Variants in PCDH15 observed in about 807,000 individuals in gnomAD.
PCDH15 encodes protocadherin-15.
In PCDH15, 129 loss-of-function variants were observed where a neutral mutation model predicts 178.5. The observed-to-expected ratio is 0.72, with a 90% CI of 0.63 to 0.84. The LOEUF is 0.84. PCDH15 is among the 40% of genes least tolerant of loss of function. The pLI is 0.00. For missense variants in PCDH15, 2,230 were observed against 2,099.9 expected (o/e 1.06, Z -1.21); for synonymous variants, 800 against 732.0 (o/e 1.09, Z -1.50).
chr10:55,106,869 C>A (rs1591908134), intron 2 of PCDH15, among the ~76,000 whole-genome samples: 1 of 152,184 alleles, frequency 6.6e-6, no homozygotes, highest in Non-Finnish European at 1.5e-5. Context: ...CCATGGTTAA[C>A]TCCTCAACTT....
At chr10:53,907,396 C>T (rs561914150) in intron 25 of PCDH15, among the ~76,000 whole-genome samples, 112 of 152,214 alleles carry the variant, frequency 7.4e-4, no homozygotes, top group African/African-American at 2.2e-3. Flanking sequence ...GAACAACGTG[C>T]GTGCCTAATA....
intron 2 of PCDH15, among the ~76,000 whole-genome samples, chr10:55,357,484 T>G (rs570813333): frequency 6.6e-6 from 1 of 152,120 alleles, no homozygotes. Flanking sequence ...TACCATCAGT[T>G]AGCTATGTCA....
intron 7 of PCDH15, among the ~76,000 whole-genome samples, chr10:54,319,420 A>C (rs2061458600): frequency 1.3e-5 from 2 of 152,172 alleles, no homozygotes; most frequent in Admixed American, 1.3e-4. Flanking sequence ...TCAAATAAAG[A>C]AGCCAGACAA....
chr10:53,908,727 T>G (rs2082854924), intron 25 of PCDH15, among the ~76,000 whole-genome samples: 1 of 152,224 alleles, frequency 6.6e-6, no homozygotes, highest in African/African-American at 2.4e-5. Flanking sequence ...AGGAAAGGAC[T>G]GTGCTTTTCT....
intron 9 of PCDH15, among the ~76,000 whole-genome samples, chr10:54,217,872 A>G: frequency 6.6e-6 from 1 of 152,196 alleles, no homozygotes; most frequent in East Asian, 1.9e-4. Context: ...GAATTCCGAG[A>G]CTACTAAACT....
chr10:55,346,152 A>C (rs2131960833), intron 2 of PCDH15, among the ~76,000 whole-genome samples: 1 of 152,310 alleles, frequency 6.6e-6, no homozygotes, highest in African/African-American at 2.4e-5. Flanking sequence ...CCACACAAAT[A>C]AAACATATAA....
intron 25 of PCDH15, among the ~76,000 whole-genome samples, chr10:53,914,966 T>A (rs2083422009): frequency 6.6e-6 from 1 of 152,208 alleles, no homozygotes; most frequent in Non-Finnish European, 1.5e-5. Flanking sequence ...CAGTTTGTAT[T>A]CTGGATAATA....
rs1228471128 is a variant in PCDH15, at chr10:53,807,046, G to GACAT, written c.4752_4755dup (p.Gln1586MetfsTer10). On this transcript the variant is annotated frameshift_variant, in exon 38 of 38. Coordinates refer to ENST00000644397, the MANE Select transcript of PCDH15 (RefSeq NM_001384140.1). LOFTEE classifies it high-confidence loss of function. ...CTAGGATGGTGAAGACGGTTTCTCTGACATTCAGGAGCACTGTCTTCTCCA... is the reference window on the plus strand; with the variant it reads ...CTAGGATGGTGAAGACGGTTTCTCTGACATACATTCAGGAGCACTGTCTTCTCCA... The GACAT allele has an allele frequency of 1.2e-6, 2 of 1,613,486 alleles. No homozygotes were observed. Among genetic ancestry groups the GACAT allele is most frequent in the South Asian group, 2.2e-5 (2 of 91,066 alleles).
At chr10:55,334,238 A>ATGTGTGTGTG (rs1342496492) in intron 2 of PCDH15, among the ~76,000 whole-genome samples, 1 of 97,310 alleles carries the variant, frequency 1.0e-5, no homozygotes, top group Non-Finnish European at 1.9e-5. Flanking sequence ...ATATATATAT[A>ATGTGTGTGTG]TATATGTGTG....
chr10:54,615,180 A>T (rs1322129148), intron 2 of PCDH15, among the ~76,000 whole-genome samples: 1 of 152,076 alleles, frequency 6.6e-6, no homozygotes, highest in East Asian at 1.9e-4. Context: ...GAGAATAAAC[A>T]CGCATTAAAT....
chr10:54,260,979 A>G (rs1286744502), intron 8 of PCDH15, among the ~76,000 whole-genome samples: 1 of 152,104 alleles, frequency 6.6e-6, no homozygotes, highest in Non-Finnish European at 1.5e-5. Context: ...CTTTACAGTA[A>G]TGACCGCTGT....
At chr10:54,774,007 C>CTTTTTTTTTTTTATTTTTTTTTTT (rs1949396530) in intron 1 of PCDH15, among the ~76,000 whole-genome samples, 1 of 75,378 alleles carries the variant, frequency 1.3e-5, no homozygotes, top group Admixed American at 2.0e-4. Flanking sequence ...ACTTCATAGG[C>CTTTTTTTTTTTTATTTTTTTTTTT]TTTTTTTTTT....
intron 2 of PCDH15, among the ~76,000 whole-genome samples, chr10:55,077,884 CTTCT>C (rs1411606329): frequency 2.0e-5 from 3 of 152,014 alleles, no homozygotes; most frequent in East Asian, 1.9e-4. Flanking sequence ...AGTTTTTTCT[CTTCT>C]TTATTTGTGT....
chr10:55,335,520 A>G (rs962233191), intron 2 of PCDH15, among the ~76,000 whole-genome samples: 6 of 152,222 alleles, frequency 3.9e-5, no homozygotes, highest in African/African-American at 1.4e-4. Flanking sequence ...ACTATCAGCT[A>G]TCAGAGGTCA....
intron 2 of PCDH15, among the ~76,000 whole-genome samples, chr10:54,597,957 A>T (rs1190382805): frequency 1.3e-5 from 2 of 152,128 alleles, no homozygotes; most frequent in African/African-American, 2.4e-5. Context: ...CCCTGAAGAT[A>T]ACTATAACAA....
chr10:55,564,268 T>C lies in PCDH15; in HGVS notation c.-156+63357A>G, dbSNP rs530571437. Among the ~76,000 whole-genome samples the C allele has an allele frequency of 3.3e-5, 5 of 149,626 alleles. No homozygotes were observed. In the South Asian group the frequency reaches 1.1e-3, roughly 32 times the overall value. On this transcript the variant is annotated intron_variant, in intron 2 of 5. Coordinates refer to the PCDH15 transcript ENST00000613346. ...TAAAAAAATGTGAATGAAGATGTTA[T>C]AGGAGCTGAGTTTTTGTATATTATT...
chr10:54,255,792 C>T (rs2056850938), intron 8 of PCDH15, among the ~76,000 whole-genome samples: 1 of 152,060 alleles, frequency 6.6e-6, no homozygotes, highest in Non-Finnish European at 1.5e-5. Flanking sequence ...TGTAACTTAG[C>T]TATCATATAT....
intron 1 of PCDH15, among the ~76,000 whole-genome samples, chr10:55,319,258 T>C (rs540598572): frequency 1.3e-5 from 2 of 152,158 alleles, no homozygotes; most frequent in East Asian, 1.9e-4. Context: ...TTCAAGAGAA[T>C]TTGGGTACTG....
intron 18 of PCDH15, among the ~76,000 whole-genome samples, chr10:54,038,638 G>C (rs549441653): frequency 6.6e-6 from 1 of 151,954 alleles, no homozygotes; most frequent in Admixed American, 6.6e-5. Flanking sequence ...CTGTAGATAA[G>C]GTCATCTCTG....
Sources: gnomAD v4.1 joint callset for allele counts (sites outside exome capture counted in the v4.1 genomes callset) on GRCh38, gnomAD v4.1.1 for gene constraint, MANE v1.5 for transcripts, NCBI Gene and HGNC (gene_info 2026-07-23, HGNC 2026-07-21) for gene names.